CNTNAP2: variants seen among roughly 807,000 people sequenced by gnomAD.
The protein encoded by CNTNAP2 is contactin-associated protein-like 2.
In CNTNAP2, 98 loss-of-function variants were observed where a neutral mutation model predicts 155.2. The observed-to-expected ratio is 0.63, with a 90% CI of 0.54 to 0.75. The LOEUF is 0.75. CNTNAP2 is among the 30% of genes least tolerant of loss of function. The pLI is 0.00. For missense variants in CNTNAP2, 1,727 were observed against 1,688.1 expected, an observed-to-expected ratio of 1.02 and a Z score of -0.40; for synonymous variants, 651 against 631.2, an observed-to-expected ratio of 1.03 and a Z score of -0.47.
chr7:148,224,188 G>A (rs146022658), intron 19 of CNTNAP2, among the ~76,000 whole-genome samples: 1,699 of 152,342 alleles, frequency 0.011, 22 homozygotes, highest in Middle Eastern at 0.058. Flanking sequence ...GGGATGATAT[G>A]ATGTCAGAGC....
At chr7:146,440,336 T>C (rs560923015) in intron 1 of CNTNAP2, among the ~76,000 whole-genome samples, 1 of 151,704 alleles carries the variant, frequency 6.6e-6, no homozygotes, top group African/African-American at 2.4e-5. Context: ...CTCAATTAAG[T>C]GTATGAAAAG....
intron 1 of CNTNAP2, among the ~76,000 whole-genome samples, chr7:146,511,199 G>T (rs1250051458): frequency 6.6e-6 from 1 of 152,142 alleles, no homozygotes; most frequent in Non-Finnish European, 1.5e-5. Flanking sequence ...CACCCAGCCA[G>T]GTTTTTCTTA....
In CNTNAP2 at chr7:147,167,598, G is replaced by T. The variant is rs767665995; in HGVS notation, c.1348+35089G>T. 6 of 738,746 alleles carry T rather than the reference G, an allele frequency of 8.1e-6. No homozygotes were observed. The Admixed American group carries it at 1.5e-4, about 19-fold the overall frequency. The allele number at this position is 738,746 out of a possible 1,614,324, so 45.8% of individuals were successfully genotyped here. ...CCTGTGAGAATGAAGCTGGAGCCCA[G>T]CATCAGAAGTCTAGTTTTATATGCA... On this transcript the variant is annotated intron_variant, in intron 8 of 23. Coordinates refer to ENST00000361727, the MANE Select transcript of CNTNAP2 (RefSeq NM_014141.6).
At chr7:146,798,610 G>A (rs1304669956) in intron 2 of CNTNAP2, among the ~76,000 whole-genome samples, 3 of 152,126 alleles carry the variant, frequency 2.0e-5, no homozygotes, top group Non-Finnish European at 4.4e-5. Context: ...CCTCCAAAAT[G>A]TTGTGATTCC....
chr7:147,018,364 G>A (rs1187736114), intron 3 of CNTNAP2, among the ~76,000 whole-genome samples: 1 of 152,136 alleles, frequency 6.6e-6, no homozygotes, highest in East Asian at 1.9e-4. Flanking sequence ...CTATGACTCT[G>A]TCATGGCATG....
At chr7:147,437,886 A>C (rs1797578299) in intron 10 of CNTNAP2, among the ~76,000 whole-genome samples, 1 of 151,928 alleles carries the variant, frequency 6.6e-6, no homozygotes, top group African/African-American at 2.4e-5. Context: ...TATACTTTTC[A>C]TTATAGAGAT....
At chr7:146,986,402 G>T (rs112184298) in intron 3 of CNTNAP2, among the ~76,000 whole-genome samples, 1 of 152,006 alleles carries the variant, frequency 6.6e-6, no homozygotes, top group Non-Finnish European at 1.5e-5. Context: ...TCCACTCATT[G>T]ATTAATGGAC....
At chr7:146,243,984 G>A (rs1339287593) in intron 1 of CNTNAP2, among the ~76,000 whole-genome samples, 1 of 152,156 alleles carries the variant, frequency 6.6e-6, no homozygotes, top group Non-Finnish European at 1.5e-5. Flanking sequence ...GAGAGATTAA[G>A]CTGAAGGAAG....
rs757280671 is a variant in CNTNAP2, at chr7:147,551,625, C to A, written c.1778-10513C>A. On this transcript the variant is annotated intron_variant, in intron 11 of 23. Coordinates refer to ENST00000361727, the MANE Select transcript of CNTNAP2 (RefSeq NM_014141.6). ...ATATCTCAAAAGAAGTTGGAGAAAG[C>A]CACTGCCTGGGAAGTTCCTTATCCT... Among the ~76,000 whole-genome samples, 117 of 152,238 alleles carry A rather than the reference C, an allele frequency of 7.7e-4. 1 individual carries two copies. Among genetic ancestry groups the A allele is most frequent in the Admixed American group, 1.7e-3 (26 of 15,288 alleles).
At chr7:148,392,490 A>G (rs1386998252) in intron 22 of CNTNAP2, among the ~76,000 whole-genome samples, 2 of 152,122 alleles carry the variant, frequency 1.3e-5, no homozygotes, top group Non-Finnish European at 2.9e-5. Context: ...CCTTCTGTAA[A>G]TTGCTAGCAG....
At chr7:147,802,265 G>A (rs189431929) in intron 13 of CNTNAP2, among the ~76,000 whole-genome samples, 26,210 of 148,034 alleles carry the variant, frequency 0.18, 2,537 homozygotes, top group Middle Eastern at 0.26. Flanking sequence ...GATGGCGGCC[G>A]GGCAGAGACG....
chr7:147,387,465 C>G (rs997717370), intron 9 of CNTNAP2, among the ~76,000 whole-genome samples: 1 of 152,134 alleles, frequency 6.6e-6, no homozygotes, highest in Admixed American at 6.6e-5. Flanking sequence ...AGGTGGCCCC[C>G]CAGTATCAAT....
intron 21 of CNTNAP2, among the ~76,000 whole-genome samples, chr7:148,277,216 C>T (rs908239550): frequency 6.6e-6 from 1 of 152,150 alleles, no homozygotes; most frequent in African/African-American, 2.4e-5. Flanking sequence ...GGCCAGGCAT[C>T]TGCTGGCCTC....
At chr7:147,061,065 C>T (rs1349369982) in intron 4 of CNTNAP2, among the ~76,000 whole-genome samples, 3 of 152,024 alleles carry the variant, frequency 2.0e-5, no homozygotes, top group Non-Finnish European at 4.4e-5. Flanking sequence ...TATAAGGCAT[C>T]TAAAATAGTC....
intron 13 of CNTNAP2, among the ~76,000 whole-genome samples, chr7:147,684,599 C>G (rs565893933): frequency 2.0e-5 from 3 of 151,736 alleles, no homozygotes; most frequent in African/African-American, 7.3e-5. Context: ...ATAGAATAAT[C>G]GTTGATGGCC....
At chr7:147,359,724 C>A (rs773421076) in intron 9 of CNTNAP2, among the ~76,000 whole-genome samples, 2 of 152,082 alleles carry the variant, frequency 1.3e-5, no homozygotes, top group Non-Finnish European at 2.9e-5. Flanking sequence ...GCTCACATGG[C>A]CACTTGTCTC....
intron 1 of CNTNAP2, among the ~76,000 whole-genome samples, chr7:146,559,965 A>C (rs898074562): frequency 1.3e-5 from 2 of 152,190 alleles, no homozygotes; most frequent in Non-Finnish European, 2.9e-5. Context: ...CTTCCCACAA[A>C]TTATAATTTT....
intron 15 of CNTNAP2, among the ~76,000 whole-genome samples, chr7:148,113,215 C>T (rs1563203386): frequency 2.0e-5 from 3 of 152,160 alleles, no homozygotes; most frequent in Admixed American, 6.5e-5. Flanking sequence ...ATGATGCTGG[C>T]ATCTGCTCCG....
At chr7:146,320,003 C>CT (rs58291686) in intron 1 of CNTNAP2, among the ~76,000 whole-genome samples, 1 of 151,046 alleles carries the variant, frequency 6.6e-6, no homozygotes, top group African/African-American at 2.5e-5. Context: ...TCGCCCCCCC[C>CT]ACCCCAGTTT....
Sources: gnomAD v4.1 joint callset for allele counts (sites outside exome capture counted in the v4.1 genomes callset) on GRCh38, gnomAD v4.1.1 for gene constraint, MANE v1.5 for transcripts, NCBI Gene and HGNC (gene_info 2026-07-23, HGNC 2026-07-21) for gene names.